The following SLC12A9 variants were observed in gnomAD, a reference collection of about 807,000 sequenced individuals.
SLC12A9 encodes CCC-interacting protein 1.
In SLC12A9, 55 loss-of-function variants were observed where a neutral mutation model predicts 66.0. That is an observed-to-expected ratio of 0.83 (90% confidence interval 0.67 to 1.04). The LOEUF (loss-of-function observed/expected upper bound fraction) is 1.04, where lower values mean the gene tolerates loss of function less well. Ranked by LOEUF, SLC12A9 falls within the 50% of genes least tolerant of loss-of-function variation. SLC12A9 has a pLI of 0.00. For synonymous variants in SLC12A9, 577 were observed against 569.0 expected (o/e 1.01, Z -0.20); for missense variants, 1,061 against 1,241.9 (o/e 0.85, Z 2.19).
intron 1 of SLC12A9, among the ~76,000 whole-genome samples, chr7:100,835,426 C>T (rs1312985704): frequency 6.7e-6 from 1 of 150,366 alleles, no homozygotes; most frequent in Non-Finnish European, 1.5e-5. Context: ...CCGAGGTGGG[C>T]AGATCCCGAG....
chr7:100,839,414 C>T (rs1219748278), intron 1 of SLC12A9, among the ~76,000 whole-genome samples: 1 of 152,184 alleles, frequency 6.6e-6, no homozygotes, highest in East Asian at 1.9e-4. Flanking sequence ...AAACCCCTTC[C>T]TTCTTTAACT....
chr7:100,838,692 A>G (rs1813718411), intron 1 of SLC12A9, among the ~76,000 whole-genome samples: 1 of 152,032 alleles, frequency 6.6e-6, no homozygotes, highest in Non-Finnish European at 1.5e-5. Flanking sequence ...ATTTTTTTGC[A>G]TTTTTAGTAA....
At chr7:100,833,249 C>T (rs928142739) in intron 1 of SLC12A9, among the ~76,000 whole-genome samples, 12 of 151,174 alleles carry the variant, frequency 7.9e-5, no homozygotes, top group African/African-American at 1.7e-4. Context: ...TTTGGGAGGC[C>T]GAGGCGGGTG....
intron 13 of SLC12A9, among the ~76,000 whole-genome samples, chr7:100,864,510 A>G (rs1022357172): frequency 1.4e-5 from 2 of 146,232 alleles, no homozygotes; most frequent in African/African-American, 5.0e-5. Context: ...GGGTCTTGGA[A>G]GAGGTCTCTG....
At chr7:100,832,496 G>C (rs976715119) in intron 1 of SLC12A9, among the ~76,000 whole-genome samples, 1 of 152,180 alleles carries the variant, frequency 6.6e-6, no homozygotes, top group Non-Finnish European at 1.5e-5. Context: ...CTGGGCAACA[G>C]AGCGAGACCC....
intron 1 of SLC12A9, among the ~76,000 whole-genome samples, chr7:100,830,783 A>G (rs1813529028): frequency 6.6e-6 from 1 of 152,080 alleles, no homozygotes; most frequent in South Asian, 2.1e-4. Flanking sequence ...TAGAAAAAAA[A>G]TCCCATGATT....
At chr7:100,836,656 T>A (rs569299606) in intron 1 of SLC12A9, among the ~76,000 whole-genome samples, 1 of 152,204 alleles carries the variant, frequency 6.6e-6, no homozygotes, top group African/African-American at 2.4e-5. Flanking sequence ...TCCCCTCGGC[T>A]CACTCCTGGG....
intron 1 of SLC12A9, among the ~76,000 whole-genome samples, chr7:100,828,711 G>C (rs1813480899): frequency 6.6e-6 from 1 of 152,112 alleles, no homozygotes; most frequent in Non-Finnish European, 1.5e-5. Flanking sequence ...GGCTGCGGCT[G>C]CTGTCTTTCC....
chr7:100,830,701 T>C (rs1015235847), intron 1 of SLC12A9, among the ~76,000 whole-genome samples: 7 of 152,080 alleles, frequency 4.6e-5, no homozygotes, highest in African/African-American at 1.7e-4. Context: ...TTGTAAAACA[T>C]GGTTCCTGGC....
At chr7:100,864,254 T>C (rs1482531760) in intron 13 of SLC12A9, among the ~76,000 whole-genome samples, 4 of 152,078 alleles carry the variant, frequency 2.6e-5, no homozygotes, top group Non-Finnish European at 5.9e-5. Flanking sequence ...AATTTTTGTA[T>C]ATTTTTGGTA....
chr7:100,826,957 C>A, exon 1 of SLC12A9: 7 of 1,538,690 alleles, frequency 4.5e-6, no homozygotes, highest in Admixed American at 2.0e-5. Flanking sequence ...CGGGGTGCGC[C>A]CCCCCCCGCA....
upstream of SLC12A9, among the ~76,000 whole-genome samples, chr7:100,851,417 C>G (rs891278651): frequency 2.0e-5 from 3 of 151,306 alleles, no homozygotes; most frequent in Admixed American, 6.6e-5. Context: ...CTAACTGACC[C>G]TGAAAAAGTT....
At chr7:100,851,808 G>GAAAAAAAAA (rs1814091790), upstream of SLC12A9, among the ~76,000 whole-genome samples, 4 of 108,652 alleles carry the variant, frequency 3.7e-5, no homozygotes, top group Admixed American at 1.1e-4. Context: ...AAAAAAAAAG[G>GAAAAAAAAA]AAATGTATCT....
chr7:100,857,207 CG>C (rs1814451361), intron 5 of SLC12A9, 31 bp downstream of exon 5: 1 of 1,590,338 alleles, frequency 6.3e-7, no homozygotes. Flanking sequence ...GCAGGGATCT[CG>C]GGGTGAGGGG....
In SLC12A9 at chr7:100,860,454, TG is replaced by T. The variant is rs1814678055; in HGVS notation, c.1218+224del. 7.0e-6 allele frequency: 4 copies of T among 568,486 alleles called. No homozygotes were observed. In the Admixed American group the frequency reaches 1.4e-4, roughly 19 times the overall value. The allele number at this position is 568,486 out of a possible 1,614,324, so 35.2% of individuals were successfully genotyped here. On this transcript the variant is annotated intron_variant, in intron 9 of 13. Coordinates refer to ENST00000354161, the MANE Select transcript of SLC12A9 (RefSeq NM_020246.4). ...TTCATTGGCACCCTGGGAGGTTCAC[TG>T]GCACTTTTTGGGGTACACGGGCATT...
intron 1 of SLC12A9, among the ~76,000 whole-genome samples, chr7:100,829,827 G>C (rs1584673438): frequency 6.6e-6 from 1 of 151,916 alleles, no homozygotes; most frequent in Non-Finnish European, 1.5e-5. Flanking sequence ...CCAAGAGTTC[G>C]AGACCAGCCT....
chr7:100,843,692 TC>T (rs985223470), intron 1 of SLC12A9, among the ~76,000 whole-genome samples: 1 of 151,930 alleles, frequency 6.6e-6, no homozygotes, highest in Non-Finnish European at 1.5e-5. Flanking sequence ...GAATATAAAG[TC>T]CCCCCATGCT....
At chr7:100,838,757 G>A (rs566878511) in intron 1 of SLC12A9, among the ~76,000 whole-genome samples, 11 of 152,162 alleles carry the variant, frequency 7.2e-5, no homozygotes, top group African/African-American at 2.6e-4. Context: ...TCTAAAGAAA[G>A]AAAAAGTAAA....
intron 1 of SLC12A9, chr7:100,853,362 A>C (rs1422708881): frequency 1.3e-5 from 2 of 152,146 alleles, no homozygotes; most frequent in African/African-American, 2.4e-5. Context: ...CCCTTTCCAG[A>C]ACCGGTGCCA....
Sources: gnomAD v4.1 joint callset for allele counts (sites outside exome capture counted in the v4.1 genomes callset) on GRCh38, gnomAD v4.1.1 for gene constraint, MANE v1.5 for transcripts, NCBI Gene and HGNC (gene_info 2026-07-23, HGNC 2026-07-21) for gene names.